The following MATN2 variants were observed in gnomAD, a reference collection of about 807,000 sequenced individuals.
MATN2 encodes matrilin 2, also known as matrilin-2.
In MATN2, 69 loss-of-function variants were observed where a neutral mutation model predicts 103.2. The observed-to-expected ratio is 0.67, with a 90% confidence interval of 0.55 to 0.82. The LOEUF is 0.82. Ranked by LOEUF, MATN2 falls within the 40% of genes least tolerant of loss-of-function variation. MATN2 has a pLI of 0.00. For missense variants in MATN2, 1,023 were observed against 1,211.5 expected, an observed-to-expected ratio of 0.84 and a Z score of 2.31; for synonymous variants, 429 against 450.2, an observed-to-expected ratio of 0.95 and a Z score of 0.60.
chr8:97,903,036 G>A (rs951701022), intron 2 of MATN2, among the ~76,000 whole-genome samples: 2 of 152,192 alleles, frequency 1.3e-5, no homozygotes, highest in Non-Finnish European at 2.9e-5. Context: ...CTAGCAGAGG[G>A]AAGACACTGG....
chr8:98,015,288 A>C (rs972559231), intron 10 of MATN2, among the ~76,000 whole-genome samples: 7 of 152,088 alleles, frequency 4.6e-5, no homozygotes, highest in African/African-American at 1.4e-4. Flanking sequence ...TCCAAGCTCC[A>C]TTCTGTGCAG....
At position 97,961,438 on chromosome 8, in the gene MATN2, A is replaced by G. The variant is rs1317575961; in HGVS notation, c.866A>G (p.Asn289Ser). The stretch of plus-strand genomic sequence containing the variant: ...GATCTGTGTGCCATGGAGGACCACA[A>G]CTGTGAGCAGCTCTGTGTGAATGTG... ...IQDLCAMEDH[N>S]CEQLCVNVPG... Residue 289 changes from asparagine to serine, a missense_variant, in exon 5 of 19, where the codon AAC becomes AGC. Transcript: ENST00000254898. 1.2e-6 allele frequency: 2 copies of G among 1,613,520 alleles called. No individual in the cohort carries two copies. Among genetic ancestry groups the G allele is most frequent in the South Asian group, 1.1e-5 (1 of 91,016 alleles).
chr8:98,002,412 T>C (rs1812819339), intron 7 of MATN2, among the ~76,000 whole-genome samples: 1 of 152,228 alleles, frequency 6.6e-6, no homozygotes, highest in South Asian at 2.1e-4. Context: ...CCTAAATAGC[T>C]GGATATTTTG....
chr8:97,964,535 C>T (rs1811423549), intron 5 of MATN2, among the ~76,000 whole-genome samples: 1 of 150,876 alleles, frequency 6.6e-6, no homozygotes, highest in Admixed American at 6.7e-5. Context: ...ACCTCCTGGG[C>T]TCAAGCGATA....
chr8:98,036,306 A>G lies in MATN2; in HGVS notation c.*594A>G, dbSNP rs1000169424. On this transcript the variant is annotated 3_prime_UTR_variant, in exon 19 of 19. Coordinates refer to ENST00000254898, the MANE Select transcript of MATN2 (RefSeq NM_002380.5). ...AACATGCCTATGAAAAAAATGCTGA[A>G]TCTCATCAGTAATCAGGAAAATGCA... 20 of 152,242 alleles carry G rather than the reference A, an allele frequency of 1.3e-4. No individual in the cohort carries two copies. Among genetic ancestry groups the G allele is most frequent in the Admixed American group, 1.2e-3 (19 of 15,284 alleles). The allele number at this position is 152,242 out of a possible 1,614,324, so 9.4% of individuals were successfully genotyped here.
rs1819197720 is a variant in MATN2, at chr8:97,907,068, T to G, written c.142+18826T>G. On this transcript the variant is annotated intron_variant, in intron 2 of 18. Coordinates refer to ENST00000254898, the MANE Select transcript of MATN2 (RefSeq NM_002380.5). The stretch of plus-strand genomic sequence containing the variant: ...CAGGCTGGAGTGCAGTGGTGCAATC[T>G]CGGCTCACTGCAACCTCCATCTCCT... Among the ~76,000 whole-genome samples, 3 of 148,970 alleles carry G rather than the reference T, an allele frequency of 2.0e-5. No individual in the cohort carries two copies. In the South Asian group the frequency reaches 6.5e-4, roughly 32 times the overall value.
intron 2 of MATN2, among the ~76,000 whole-genome samples, chr8:97,925,711 C>G (rs1326718523): frequency 6.6e-6 from 1 of 152,152 alleles, no homozygotes; most frequent in African/African-American, 2.4e-5. Flanking sequence ...TAAGGAGAGG[C>G]TCAAGATCAT....
Position 97,911,716 on chromosome 8 carries a change from T to A in MATN2, c.143-19237T>A, listed in dbSNP as rs554646095. On this transcript the variant is annotated intron_variant, in intron 2 of 18. Transcript: ENST00000254898. ...GTGAGACTCTGTCTCAAAAAAAAAA[T>A]AAAATAAAAAATAAAGTTATGCGGC... is the stretch of plus-strand genomic sequence containing the variant. Among the ~76,000 whole-genome samples, 59 of 151,390 alleles carry A rather than the reference T, an allele frequency of 3.9e-4. No homozygotes were observed. In the Middle Eastern group the frequency reaches 0.01, roughly 26 times the overall value.
chr8:98,002,500 C>T (rs1344998364), intron 7 of MATN2, among the ~76,000 whole-genome samples: 1 of 152,240 alleles, frequency 6.6e-6, no homozygotes, highest in Non-Finnish European at 1.5e-5. Context: ...AAGCTCTCTA[C>T]ATGCTTTGAG....
At chr8:98,026,023 CA>C (rs1323503394) in intron 13 of MATN2, among the ~76,000 whole-genome samples, 4 of 148,044 alleles carry the variant, frequency 2.7e-5, no homozygotes, top group East Asian at 2.1e-4. Context: ...ACTAAAAATA[CA>C]AAAAACTAGC....
intron 6 of MATN2, among the ~76,000 whole-genome samples, chr8:97,988,189 T>TATATAC (rs71570279): frequency 0.015 from 835 of 54,354 alleles, 32 homozygotes; most frequent in Middle Eastern, 0.043. Context: ...TATATATATA[T>TATATAC]ACACACACAC....
chr8:97,928,313 G>A (rs1810061166), intron 2 of MATN2, among the ~76,000 whole-genome samples: 1 of 137,730 alleles, frequency 7.3e-6, no homozygotes, highest in Admixed American at 8.1e-5. Context: ...TGCAACCTCC[G>A]CCTCCTGGGT....
intron 11 of MATN2, among the ~76,000 whole-genome samples, chr8:98,017,435 G>C (rs1413147150): frequency 6.6e-6 from 1 of 152,224 alleles, no homozygotes; most frequent in African/African-American, 2.4e-5. Context: ...AGGGGAGTGT[G>C]TGACCCTGGT....
At chr8:97,950,587 C>G (rs905171501) in intron 4 of MATN2, among the ~76,000 whole-genome samples, 1 of 151,848 alleles carries the variant, frequency 6.6e-6, no homozygotes, top group East Asian at 1.9e-4. Context: ...TTCCCTTTTA[C>G]CCCCCACACA....
chr8:97,955,633 C>T (rs951873452), intron 4 of MATN2, among the ~76,000 whole-genome samples: 2 of 152,218 alleles, frequency 1.3e-5, no homozygotes, highest in Non-Finnish European at 2.9e-5. Context: ...TAGATGGCTA[C>T]TAAGCACCAA....
chr8:97,961,556 G>C, intron 5 of MATN2, 26 bp downstream of exon 5: 1 of 1,590,272 alleles, frequency 6.3e-7, no homozygotes, highest in Non-Finnish European at 8.6e-7. Context: ...GCTGGGCTTG[G>C]TAGGGAAGGA....
At chr8:97,962,186 G>A (rs1811337574) in intron 5 of MATN2, among the ~76,000 whole-genome samples, 2 of 152,158 alleles carry the variant, frequency 1.3e-5, no homozygotes, top group Admixed American at 6.5e-5. Context: ...AACAAACAGT[G>A]CCTGGTGGAT....
intron 4 of MATN2, among the ~76,000 whole-genome samples, chr8:97,951,257 T>A (rs1418261635): frequency 6.6e-6 from 1 of 152,188 alleles, no homozygotes; most frequent in Non-Finnish European, 1.5e-5. Context: ...CAGGATTTTC[T>A]ACAAAAGAAG....
In MATN2 at chr8:97,931,497, C is replaced by G. The variant is rs753863112; in HGVS notation, c.687C>G (p.Thr229=). The change falls in exon 3 of 19, where the codon ACC becomes ACG. Residue 229 remains threonine, a synonymous_variant. Coordinates refer to ENST00000254898, the MANE Select transcript of MATN2 (RefSeq NM_002380.5). The surrounding 1 kb of genome is among the most constrained non-coding windows in gnomAD (Gnocchi z 4.1). ...VANFSQIETL[T]SVFQKKLCTA... ...ATTTCAGCCAGATTGAGACGCTGAC[C>G]TCCGTGTTCCAGAAGAAGTTGTGCA... The G allele has an allele frequency of 1.2e-5, 19 of 1,609,842 alleles. No individual in the cohort carries two copies. Among genetic ancestry groups the G allele is most frequent in the Non-Finnish European group, 1.5e-5 (18 of 1,178,148 alleles).
Sources: gnomAD v4.1 joint callset for allele counts (sites outside exome capture counted in the v4.1 genomes callset) on GRCh38, gnomAD v4.1.1 for gene constraint, Gnocchi (gnomAD v3.1) non-coding constraint, MANE v1.5 for transcripts, NCBI Gene and HGNC (gene_info 2026-07-23, HGNC 2026-07-21) for gene names.